The following NLGN1 variants were observed in gnomAD, a reference collection of about 807,000 sequenced individuals.
The protein encoded by NLGN1 is neuroligin-1.
In NLGN1, 12 loss-of-function variants were observed where a neutral mutation model predicts 65.5. That is an observed-to-expected ratio of 0.18 (90% CI 0.12 to 0.30). NLGN1 has a LOEUF of 0.30. NLGN1 is among the 10% of genes least tolerant of loss of function. The pLI, the probability that NLGN1 is intolerant of heterozygous loss-of-function variation, is 1.00. For missense variants in NLGN1, 750 were observed against 1,007.1 expected (o/e 0.74, Z 3.46); for synonymous variants, 350 against 359.5 (o/e 0.97, Z 0.30).
At chr3:174,035,229 T>A (rs1283092732) in intron 4 of NLGN1, among the ~76,000 whole-genome samples, 1 of 152,180 alleles carries the variant, frequency 6.6e-6, no homozygotes, top group Non-Finnish European at 1.5e-5. Flanking sequence ...TATGAATTAG[T>A]CTCCTTTTGT....
intron 3 of NLGN1, among the ~76,000 whole-genome samples, chr3:173,762,632 A>G (rs1340812496): frequency 1.3e-5 from 2 of 152,034 alleles, no homozygotes; most frequent in Non-Finnish European, 2.9e-5. Context: ...TAGTTATGGT[A>G]TACATTATTA....
intron 2 of NLGN1, among the ~76,000 whole-genome samples, chr3:173,451,409 GT>G (rs1560273437): frequency 6.6e-6 from 1 of 152,104 alleles, no homozygotes; most frequent in East Asian, 1.9e-4. Context: ...CTGCCTGATC[GT>G]TCCTCTGGAA....
Position 173,917,360 on chromosome 3 carries a change from C to T in NLGN1, c.646+109528C>T, listed in dbSNP as rs1740948792. 2.0e-5 allele frequency among the ~76,000 whole-genome samples: 3 copies of T among 151,988 alleles called. No individual in the cohort carries two copies. In the South Asian group the frequency reaches 6.2e-4, roughly 31 times the overall value. Reference sequence around the variant, plus strand: ...ATAATTTTAGACAAACCTTGTAAGTCTTAGTTACTTCTTTTGTAAAAATGG... The same window carrying T: ...ATAATTTTAGACAAACCTTGTAAGTTTTAGTTACTTCTTTTGTAAAAATGG... On this transcript the variant is annotated intron_variant, in intron 4 of 6. Transcript: ENST00000457714.
At chr3:173,496,085 A>T (rs964804686) in intron 2 of NLGN1, among the ~76,000 whole-genome samples, 2 of 151,562 alleles carry the variant, frequency 1.3e-5, no homozygotes, top group Non-Finnish European at 2.9e-5. Context: ...GCTACCAATT[A>T]TACTTGGATT....
chr3:173,861,523 TGTG>T (rs1729081109), intron 4 of NLGN1, among the ~76,000 whole-genome samples: 1 of 74,692 alleles, frequency 1.3e-5, no homozygotes, highest in Non-Finnish European at 2.7e-5. Context: ...CACGTGTGTG[TGTG>T]TGTGTGTGTG....
intron 2 of NLGN1, among the ~76,000 whole-genome samples, chr3:173,564,232 G>T (rs1392858423): frequency 6.6e-6 from 1 of 152,210 alleles, no homozygotes; most frequent in Non-Finnish European, 1.5e-5. Context: ...GTAGGCACAG[G>T]TTTCCGTTAA....
chr3:173,470,138 G>T (rs985891153), intron 2 of NLGN1, among the ~76,000 whole-genome samples: 3 of 152,032 alleles, frequency 2.0e-5, no homozygotes, highest in African/African-American at 7.2e-5. Flanking sequence ...AGAGATGATT[G>T]TATCTCTAAT....
intron 4 of NLGN1, among the ~76,000 whole-genome samples, chr3:174,214,109 T>C (rs1450325407): frequency 6.6e-6 from 1 of 152,194 alleles, no homozygotes; most frequent in Non-Finnish European, 1.5e-5. Context: ...TAGTTTTGTA[T>C]ATTTTTAATG....
At chr3:174,283,123 TAAAA>T (rs933921672) in exon 7 of NLGN1, 1 of 150,518 alleles carries the variant, frequency 6.6e-6, no homozygotes, top group Non-Finnish European at 1.5e-5. Context: ...TTCTTTTTTC[TAAAA>T]AAAGAAAAAA....
At chr3:173,679,120 C>T (rs531520565) in intron 3 of NLGN1, among the ~76,000 whole-genome samples, 420 of 141,712 alleles carry the variant, frequency 3.0e-3, no homozygotes, top group African/African-American at 7.9e-3. Flanking sequence ...TTTGCAGCCC[C>T]GATGTGAAAA....
At chr3:173,675,603 A>G (rs1459580975) in intron 3 of NLGN1, among the ~76,000 whole-genome samples, 1 of 152,094 alleles carries the variant, frequency 6.6e-6, no homozygotes, top group Non-Finnish European at 1.5e-5. Context: ...GTAGCTGATA[A>G]TATTATATTA....
intron 2 of NLGN1, among the ~76,000 whole-genome samples, chr3:173,539,830 TA>T (rs1738480261): frequency 7.7e-6 from 1 of 130,264 alleles, no homozygotes; most frequent in Non-Finnish European, 1.6e-5. Flanking sequence ...GTTATATATG[TA>T]TATATGTTAT....
chr3:174,282,634 T>C (rs916697089), exon 7 of NLGN1: 1 of 152,114 alleles, frequency 6.6e-6, no homozygotes, highest in African/African-American at 2.4e-5. Context: ...AGGAAACTCT[T>C]CATCCCCCTG....
At chr3:174,222,099 T>A (rs1738777427) in intron 4 of NLGN1, among the ~76,000 whole-genome samples, 1 of 152,134 alleles carries the variant, frequency 6.6e-6, no homozygotes, top group Admixed American at 6.5e-5. Context: ...GGAAATCACA[T>A]AGCCCTGTAT....
chr3:174,290,468 A>G (rs1208963504), downstream of NLGN1, among the ~76,000 whole-genome samples: 3 of 151,164 alleles, frequency 2.0e-5, no homozygotes, highest in Non-Finnish European at 3.0e-5. Context: ...CACATTTTAA[A>G]TGTCTCAGAA....
intron 4 of NLGN1, among the ~76,000 whole-genome samples, chr3:173,809,018 TA>T (rs750368729): frequency 2.6e-5 from 4 of 152,298 alleles, no homozygotes; most frequent in South Asian, 4.1e-4. Context: ...GGAGACATTT[TA>T]CCAATGTGAA....
intron 1 of NLGN1, among the ~76,000 whole-genome samples, chr3:173,425,221 T>A (rs1381752671): frequency 3.3e-5 from 5 of 152,094 alleles, no homozygotes; most frequent in Non-Finnish European, 5.9e-5. Context: ...TACCAGCAGG[T>A]CCCTCCTTCA....
intron 4 of NLGN1, among the ~76,000 whole-genome samples, chr3:173,979,364 A>C (rs760199859): frequency 6.6e-6 from 1 of 152,164 alleles, no homozygotes; most frequent in Non-Finnish European, 1.5e-5. Context: ...AATATTAAAG[A>C]TACATAAAAT....
intron 4 of NLGN1, among the ~76,000 whole-genome samples, chr3:174,045,730 C>A (rs1733423543): frequency 6.6e-6 from 1 of 152,124 alleles, no homozygotes; most frequent in African/African-American, 2.4e-5. Context: ...AGCTCACTTT[C>A]TTTAATGACT....
Sources: gnomAD v4.1 joint callset for allele counts (sites outside exome capture counted in the v4.1 genomes callset) on GRCh38, gnomAD v4.1.1 for gene constraint, MANE v1.5 for transcripts, NCBI Gene and HGNC (gene_info 2026-07-23, HGNC 2026-07-21) for gene names.